The following NR2C2 variants were observed in gnomAD, a reference collection of about 807,000 sequenced individuals.
The protein encoded by NR2C2 is nuclear receptor subfamily 2 group C member 2.
NR2C2 carries 6 observed loss-of-function variants against 62.9 expected under a neutral mutation model. The observed-to-expected ratio is 0.10, with a 90% confidence interval of 0.05 to 0.19. The LOEUF (loss-of-function observed/expected upper bound fraction) is 0.19. NR2C2 is among the 10% of genes least tolerant of loss of function. The pLI, the probability that NR2C2 is intolerant of heterozygous loss-of-function variation, is 1.00. For missense variants in NR2C2, 479 were observed against 762.7 expected (o/e 0.63, Z 4.38); for synonymous variants, 272 against 273.8 (o/e 0.99, Z 0.07).
intron 11 of NR2C2, 47 bp downstream of exon 11, chr3:15,034,856 G>C (rs1440542391): frequency 1.3e-6 from 2 of 1,549,696 alleles, no homozygotes; most frequent in Admixed American, 3.7e-5. Context: ...GTTCAGCCTG[G>C]TGGCCATGGA....
chr3:15,030,462 T>C lies in NR2C2; in HGVS notation c.1110+10T>C, dbSNP rs1353317180. 5 of 1,569,096 alleles carry C rather than the reference T, an allele frequency of 3.2e-6. No homozygotes were observed. The African/African-American group carries it at 5.5e-5, about 17-fold the overall frequency. ...ACACGTCACATTTAAGGTGAGTGAATTCAGCCTAACCATGTGCCCCCAACC... is the reference window on the plus strand; with the variant it reads ...ACACGTCACATTTAAGGTGAGTGAACTCAGCCTAACCATGTGCCCCCAACC... On this transcript the variant is annotated intron_variant, in intron 9 of 13. Transcript: ENST00000425241.
intron 1 of NR2C2, among the ~76,000 whole-genome samples, chr3:14,965,205 CTTTAT>C (rs1282655553): frequency 6.6e-6 from 1 of 152,078 alleles, no homozygotes; most frequent in African/African-American, 2.4e-5. Context: ...TTATTTGTTG[CTTTAT>C]TTTGTGATAG....
In NR2C2 at chr3:15,045,497, G is replaced by C. The variant is rs1034140466; in HGVS notation, c.*2489G>C. On this transcript the variant is annotated 3_prime_UTR_variant, in exon 14 of 14. Coordinates refer to ENST00000425241, the MANE Select transcript of NR2C2 (RefSeq NM_001291694.2). ...CTGGTGATGGCTGATTCCAGGGACTGTTTTGGGCTTTGAACACCTCTTGGT... is the reference window on the plus strand; with the variant it reads ...CTGGTGATGGCTGATTCCAGGGACTCTTTTGGGCTTTGAACACCTCTTGGT... 6.5e-6 allele frequency: 1 copy of C among 152,702 alleles called. No individual in the cohort carries two copies. The highest frequency in any genetic ancestry group is 6.5e-5 in the Admixed American group (1 of 15,288). The allele number at this position is 152,702 out of a possible 1,614,324, so 9.5% of individuals were successfully genotyped here. A position where few individuals can be genotyped will look rare whatever the true frequency, so the allele number is the denominator to read the frequency against.
chr3:14,962,708 A>G (rs1393515910), intron 1 of NR2C2, among the ~76,000 whole-genome samples: 1 of 150,248 alleles, frequency 6.7e-6, no homozygotes, highest in African/African-American at 2.5e-5. Context: ...GCTTTTAATA[A>G]GGTGACTTGA....
At chr3:14,957,935 C>A (rs2039574858) in intron 1 of NR2C2, among the ~76,000 whole-genome samples, 1 of 152,194 alleles carries the variant, frequency 6.6e-6, no homozygotes, top group Non-Finnish European at 1.5e-5. Flanking sequence ...CATTGCCATT[C>A]CTCAAATATG....
intron 1 of NR2C2, among the ~76,000 whole-genome samples, chr3:14,950,385 T>C (rs2039317612): frequency 6.6e-6 from 1 of 152,246 alleles, no homozygotes; most frequent in South Asian, 2.1e-4. Flanking sequence ...ACCCACGTAA[T>C]GGCAGAGGCT....
intron 13 of NR2C2, 138 bp downstream of exon 13, chr3:15,039,365 T>C (rs2042190721): frequency 1.5e-6 from 1 of 645,224 alleles, no homozygotes; most frequent in South Asian, 1.9e-5. Context: ...ACTCTAATTC[T>C]TGAGTTTTCT....
In NR2C2 at chr3:15,028,668, G is replaced by T; in HGVS notation, c.881G>T (p.Gly294Val). The stretch of plus-strand genomic sequence containing the variant: ...AACCTAAGTGAATCTTTGAACAACG[G>T]TGACACTTCAGAAATCCAGCCAGAG... ...LANLSESLNN[G>V]DTSEIQPEDQ... The change falls in exon 8 of 14, where the codon GGT becomes GTT. Residue 294 changes from glycine to valine, a missense_variant. Physicochemically the swap from Gly to Val is moderately radical, Grantham distance 109. Coordinates refer to ENST00000425241, the MANE Select transcript of NR2C2 (RefSeq NM_001291694.2). 1.2e-6 allele frequency: 2 copies of T among 1,614,116 alleles called. No individual in the cohort carries two copies. The highest frequency in any genetic ancestry group is 1.7e-6 in the Non-Finnish European group (2 of 1,179,992).
chr3:15,038,875 C>A (rs2042175932), intron 12 of NR2C2: 4 of 430,204 alleles, frequency 9.3e-6, no homozygotes, highest in African/African-American at 2.0e-5. Context: ...TGTCCAGAAC[C>A]AATCATGTGG....
intron 12 of NR2C2, 169 bp downstream of exon 12, chr3:15,038,306 T>A (rs766776546): frequency 1.6e-6 from 1 of 625,810 alleles, no homozygotes; most frequent in East Asian, 3.2e-5. Flanking sequence ...GCTTTTAAAT[T>A]CTTGCCTTTA....
At chr3:14,948,078 C>G (rs1381146018) in intron 1 of NR2C2, 172 bp downstream of exon 1, 2 of 152,158 alleles carry the variant, frequency 1.3e-5, no homozygotes, top group South Asian at 2.1e-4. Context: ...GCTCCCCTCC[C>G]CTCCCCGCCC....
At chr3:14,985,237 A>G (rs2125343057) in intron 1 of NR2C2, among the ~76,000 whole-genome samples, 2 of 152,060 alleles carry the variant, frequency 1.3e-5, no homozygotes, top group South Asian at 4.1e-4. Context: ...TATGGCTTAT[A>G]TTTTCATTAT....
At chr3:15,002,520 T>C (rs1559556843) in intron 1 of NR2C2, among the ~76,000 whole-genome samples, 1 of 152,054 alleles carries the variant, frequency 6.6e-6, no homozygotes, top group South Asian at 2.1e-4. Context: ...TAAGAGATAT[T>C]GGTCTGTAGT....
intron 3 of NR2C2, among the ~76,000 whole-genome samples, chr3:15,014,147 G>A (rs147177292): frequency 7.9e-4 from 120 of 152,308 alleles, no homozygotes; most frequent in African/African-American, 2.8e-3. Context: ...CTACAGCCAG[G>A]CGAGAACCGA....
intron 2 of NR2C2, among the ~76,000 whole-genome samples, chr3:15,010,746 T>C (rs994303467): frequency 2.0e-5 from 3 of 151,236 alleles, no homozygotes; most frequent in Admixed American, 1.3e-4. Context: ...CCTTGAGGTA[T>C]GTTATATACT....
intron 2 of NR2C2, chr3:15,004,693 C>T: frequency 1.3e-6 from 2 of 1,499,948 alleles, no homozygotes; most frequent in Non-Finnish European, 9.1e-7. Context: ...GTTATCTCAA[C>T]AAGCTGAATC....
At chr3:14,948,039 G>C (rs1345391384) in intron 1 of NR2C2, 133 bp downstream of exon 1, 1 of 152,092 alleles carries the variant, frequency 6.6e-6, no homozygotes, top group Non-Finnish European at 1.5e-5. Context: ...CGGCGGCGGC[G>C]CCCGGCGCTT....
chr3:14,957,083 G>T (rs548404577), intron 1 of NR2C2, among the ~76,000 whole-genome samples: 1 of 152,274 alleles, frequency 6.6e-6, no homozygotes, highest in East Asian at 1.9e-4. Flanking sequence ...ACCTCATATG[G>T]TCAGTATCTG....
intron 7 of NR2C2, 90 bp from the exon 8 acceptor site, chr3:15,028,496 T>C: frequency 7.8e-7 from 1 of 1,287,122 alleles, no homozygotes; most frequent in Admixed American, 2.1e-5. Flanking sequence ...TCCTCGAAGC[T>C]GTTTTTGAAC....
Sources: allele counts gnomAD v4.1 joint callset (sites outside exome capture counted in the v4.1 genomes callset), GRCh38; gene constraint gnomAD v4.1.1; transcripts MANE v1.5; gene names NCBI Gene and HGNC (gene_info 2026-07-23, HGNC 2026-07-21).